Variants in CNTN1 observed in about 807,000 individuals in gnomAD.
CNTN1 encodes contactin 1, also known as contactin-1.
In CNTN1, 38 loss-of-function variants were observed where a neutral mutation model predicts 126.4. The observed-to-expected ratio is 0.30, with a 90% CI of 0.23 to 0.39. CNTN1 has a LOEUF of 0.39. Ranked by LOEUF, CNTN1 falls within the 10% of genes least tolerant of loss-of-function variation. The pLI, the probability that CNTN1 is intolerant of heterozygous loss-of-function variation, is 1.00. For synonymous variants in CNTN1, 413 were observed against 422.6 expected, an observed-to-expected ratio of 0.98 and a Z score of 0.28; for missense variants, 1,009 against 1,248.4, an observed-to-expected ratio of 0.81 and a Z score of 2.89.
intron 1 of CNTN1, among the ~76,000 whole-genome samples, chr12:40,820,379 A>G (rs1486168110): frequency 6.6e-6 from 1 of 152,176 alleles, no homozygotes; most frequent in African/African-American, 2.4e-5. Flanking sequence ...TATTCAAACC[A>G]TAGCAGTGGC....
At chr12:40,848,716 C>G (rs1015267415) in intron 1 of CNTN1, among the ~76,000 whole-genome samples, 8 of 151,560 alleles carry the variant, frequency 5.3e-5, no homozygotes, top group African/African-American at 1.9e-4. Flanking sequence ...AGCAAAGGTA[C>G]TTGGTCTTTA....
At chr12:41,065,208 A>G (rs1592487587) in intron 23 of CNTN1, among the ~76,000 whole-genome samples, 1 of 152,146 alleles carries the variant, frequency 6.6e-6, no homozygotes, top group African/African-American at 2.4e-5. Context: ...GGTGCCTGCC[A>G]CCAAGCCCGG....
intron 15 of CNTN1, chr12:40,972,215 C>T: frequency 1.0e-6 from 1 of 985,302 alleles, no homozygotes; most frequent in Non-Finnish European, 1.2e-6. Context: ...ATTTTATTGA[C>T]TCCTGCCATC....
intron 1 of CNTN1, among the ~76,000 whole-genome samples, chr12:40,799,679 G>A (rs890745518): frequency 3.3e-4 from 50 of 151,978 alleles, no homozygotes; most frequent in African/African-American, 1.2e-3. Context: ...TGTACTAGAT[G>A]TGTACAATAC....
intron 20 of CNTN1, among the ~76,000 whole-genome samples, chr12:41,021,549 T>C (rs1592417354): frequency 1.3e-5 from 2 of 152,242 alleles, no homozygotes; most frequent in Middle Eastern, 3.4e-3. Context: ...AATGTTACAA[T>C]TGGGCTTTCT....
intron 14 of CNTN1, among the ~76,000 whole-genome samples, chr12:40,947,778 TATATAC>T (rs1156680280): frequency 6.0e-4 from 39 of 65,358 alleles, no homozygotes; most frequent in Admixed American, 1.6e-3. Flanking sequence ...TATATATATA[TATATAC>T]ACACACACAC....
chr12:40,942,057 A>G (rs1946280620), intron 12 of CNTN1, among the ~76,000 whole-genome samples: 1 of 152,176 alleles, frequency 6.6e-6, no homozygotes, highest in South Asian at 2.1e-4. Flanking sequence ...AAATATTAGC[A>G]TGATTTAAGA....
In CNTN1 at chr12:41,027,930, C is replaced by T. The variant is rs758326489; in HGVS notation, c.2784C>T (p.Val928=). The T allele has an allele frequency of 1.2e-5, 20 of 1,612,442 alleles. No individual in the cohort carries two copies. Among genetic ancestry groups the T allele is most frequent in the East Asian group, 4.5e-5 (2 of 44,854 alleles). ...GSRYIITWDH[V]VALSNESTVT... is the part of the protein sequence containing the mutation. ...GCTATATAATCACCTGGGATCATGT[C>T]GTTGCACTATCAAATGAATCTACAG... The change falls in exon 22 of 24, where the codon GTC becomes GTT. Residue 928 remains valine, a synonymous_variant. Transcript: ENST00000551295.
At chr12:40,705,915 C>A (rs1014666570) in intron 1 of CNTN1, among the ~76,000 whole-genome samples, 1 of 151,684 alleles carries the variant, frequency 6.6e-6, no homozygotes. Flanking sequence ...ACAACCAGAT[C>A]GGTCAAAAGA....
chr12:40,803,540 A>G (rs1332405163), intron 1 of CNTN1, among the ~76,000 whole-genome samples: 1 of 152,016 alleles, frequency 6.6e-6, no homozygotes, highest in African/African-American at 2.4e-5. Context: ...TGTTTTAACA[A>G]GCTAGTACAA....
chr12:40,823,380 G>A (rs561373306), intron 1 of CNTN1, among the ~76,000 whole-genome samples: 2 of 152,220 alleles, frequency 1.3e-5, no homozygotes, highest in South Asian at 2.1e-4. Flanking sequence ...ATTGGTTCAC[G>A]GTTGTATGAC....
chr12:40,692,849 C>A (rs115521763), intron 1 of CNTN1, among the ~76,000 whole-genome samples: 1 of 152,044 alleles, frequency 6.6e-6, no homozygotes, highest in East Asian at 1.9e-4. Context: ...GCTCCGAGCT[C>A]GGGGTCTGTG....
At chr12:41,061,409 G>C (rs1949936118) in intron 23 of CNTN1, among the ~76,000 whole-genome samples, 1 of 152,158 alleles carries the variant, frequency 6.6e-6, no homozygotes, top group South Asian at 2.1e-4. Context: ...GCCAGGATAA[G>C]CTGCCAGAAA....
chr12:40,885,123 GC>G (rs1443567150), intron 1 of CNTN1, among the ~76,000 whole-genome samples: 1 of 151,704 alleles, frequency 6.6e-6, no homozygotes, highest in African/African-American at 2.4e-5. Flanking sequence ...GAGGATGCAA[GC>G]AATATAAATG....
chr12:41,008,685 AT>A (rs1305197918), intron 17 of CNTN1, among the ~76,000 whole-genome samples: 1 of 152,110 alleles, frequency 6.6e-6, no homozygotes, highest in Non-Finnish European at 1.5e-5. Context: ...TGTATTTACC[AT>A]CCTTCTAATC....
chr12:40,773,696 C>CATATATATATATATATATACACATAT (rs1565716116), intron 1 of CNTN1, among the ~76,000 whole-genome samples: 94 of 19,574 alleles, frequency 4.8e-3, no homozygotes, highest in African/African-American at 7.4e-3. Context: ...TATATATACA[C>CATATATATATATATATATACACATAT]ATATATATAT....
intron 14 of CNTN1, among the ~76,000 whole-genome samples, chr12:40,958,903 A>G (rs1946998119): frequency 6.6e-6 from 1 of 152,078 alleles, no homozygotes; most frequent in South Asian, 2.1e-4. Flanking sequence ...AAAGATATGA[A>G]AGCTAAAAAA....
intron 1 of CNTN1, among the ~76,000 whole-genome samples, chr12:40,701,662 C>A (rs923438549): frequency 4.0e-5 from 6 of 151,872 alleles, no homozygotes; most frequent in African/African-American, 1.5e-4. Context: ...CTTTATTTTT[C>A]TTTTGGTCTA....
chr12:40,943,849 C>A, intron 13 of CNTN1, 125 bp downstream of exon 13: 1 of 1,405,234 alleles, frequency 7.1e-7, no homozygotes, highest in Non-Finnish European at 9.8e-7. Flanking sequence ...AAGTTTCTTG[C>A]TTGATGATAT....
Sources: gnomAD v4.1 joint callset for allele counts (sites outside exome capture counted in the v4.1 genomes callset) on GRCh38, gnomAD v4.1.1 for gene constraint, MANE v1.5 for transcripts, NCBI Gene and HGNC (gene_info 2026-07-23, HGNC 2026-07-21) for gene names.